Variants in EYA2 observed in about 807,000 individuals in gnomAD.
EYA2 encodes EYA transcriptional coactivator and phosphatase 2, also known as protein phosphatase EYA2.
Under a neutral mutation model 69.2 loss-of-function variants are expected in EYA2, and 31 were observed. The ratio of observed to expected loss-of-function variants is 0.45; its 90% CI spans 0.34 to 0.60. The LOEUF is 0.60. EYA2 is among the 20% of genes least tolerant of loss of function. EYA2 has a pLI of 0.02. For missense variants in EYA2, 622 were observed against 701.2 expected (o/e 0.89, Z 1.28); for synonymous variants, 257 against 279.4 (o/e 0.92, Z 0.80).
At chr20:47,020,304 T>C (rs1983672910) in intron 5 of EYA2, among the ~76,000 whole-genome samples, 1 of 152,172 alleles carries the variant, frequency 6.6e-6, no homozygotes, top group Non-Finnish European at 1.5e-5. Context: ...TTCTAGCTAA[T>C]CTCATAAACT....
At chr20:46,985,323 A>G (rs1039760858) in intron 1 of EYA2, among the ~76,000 whole-genome samples, 2 of 152,200 alleles carry the variant, frequency 1.3e-5, no homozygotes, top group Non-Finnish European at 2.9e-5. Flanking sequence ...TGATTTCCCC[A>G]TTGGCTTGGC....
rs562366313 is a variant in EYA2 at position 47,019,111 on chromosome 20, C to T, written c.415+2814C>T. On this transcript the variant is annotated intron_variant, in intron 5 of 15. Coordinates refer to ENST00000327619, the MANE Select transcript of EYA2 (RefSeq NM_005244.5). ...CCAGGCAGTCGCCCAGGCACATAAC[C>T]CTCACGCCATCCTGCCCTTCACACT... is the stretch of plus-strand genomic sequence containing the variant. Among the ~76,000 whole-genome samples, 32 of 152,298 alleles carry T rather than the reference C, an allele frequency of 2.1e-4. 1 individual carries two copies. Among genetic ancestry groups the T allele is most frequent in the African/African-American group, 7.5e-4 (31 of 41,558 alleles).
At chr20:47,011,159 G>A (rs1364430420) in intron 4 of EYA2, among the ~76,000 whole-genome samples, 1 of 152,054 alleles carries the variant, frequency 6.6e-6, no homozygotes, top group Non-Finnish European at 1.5e-5. Context: ...CCAAGCAAGT[G>A]GTGCACAACA....
At chr20:47,173,308 T>C (rs1315104455) in intron 12 of EYA2, among the ~76,000 whole-genome samples, 2 of 151,862 alleles carry the variant, frequency 1.3e-5, no homozygotes, top group African/African-American at 4.8e-5. Context: ...AATCCCCCCT[T>C]GGATTCTGGA....
intron 9 of EYA2, among the ~76,000 whole-genome samples, chr20:47,119,438 C>T (rs2032988954): frequency 6.6e-6 from 1 of 152,134 alleles, no homozygotes; most frequent in Non-Finnish European, 1.5e-5. Context: ...AAATGACCAT[C>T]AATGGATGAA....
chr20:47,045,294 C>T, intron 5 of EYA2, among the ~76,000 whole-genome samples: 1 of 152,150 alleles, frequency 6.6e-6, no homozygotes, highest in East Asian at 1.9e-4. Flanking sequence ...CTCTCTTCCT[C>T]CAGATATCCA....
intron 4 of EYA2, among the ~76,000 whole-genome samples, chr20:47,012,480 T>C (rs973938585): frequency 2.6e-5 from 4 of 152,174 alleles, no homozygotes; most frequent in African/African-American, 9.7e-5. Flanking sequence ...ACCAGAAAAA[T>C]CAAATTAAAA....
At chr20:47,069,534 A>T (rs1040793465) in intron 5 of EYA2, among the ~76,000 whole-genome samples, 2 of 152,162 alleles carry the variant, frequency 1.3e-5, no homozygotes, top group Non-Finnish European at 2.9e-5. Flanking sequence ...GATAGGATGG[A>T]ATTGGTATAG....
At position 47,172,270 on chromosome 20, in the gene EYA2, C is replaced by A. The variant is rs192807641; in HGVS notation, c.1038-437C>A. 5.4e-3 allele frequency among the ~76,000 whole-genome samples: 825 copies of A among 151,870 alleles called. 28 individuals carry two copies. The East Asian group carries it at 0.08, about 15-fold the overall frequency. On this transcript the variant is annotated intron_variant, in intron 11 of 15. Transcript: ENST00000327619. ...GCAACATAGAGAGACTCCATCTCTCCAAAAAATAAAAATAAGTTAGCCAAG... is the reference window on the plus strand; with the variant it reads ...GCAACATAGAGAGACTCCATCTCTCAAAAAAATAAAAATAAGTTAGCCAAG...
At chr20:47,012,881 T>C (rs969087132) in intron 4 of EYA2, among the ~76,000 whole-genome samples, 2 of 152,224 alleles carry the variant, frequency 1.3e-5, no homozygotes, top group Non-Finnish European at 2.9e-5. Flanking sequence ...TGCAAAAGTT[T>C]CAGGATGTTT....
chr20:46,946,906 A>G (rs1381455714), intron 1 of EYA2, among the ~76,000 whole-genome samples: 3 of 152,058 alleles, frequency 2.0e-5, no homozygotes. Context: ...TTGATCCCCT[A>G]GAGCGTGAGT....
chr20:46,939,479 G>A (rs946750244), intron 1 of EYA2, among the ~76,000 whole-genome samples: 1 of 151,866 alleles, frequency 6.6e-6, no homozygotes, highest in Non-Finnish European at 1.5e-5. Flanking sequence ...ATCAAGCTAT[G>A]TCTGAAGCTA....
chr20:46,974,141 G>A (rs981779844), intron 1 of EYA2, among the ~76,000 whole-genome samples: 2 of 152,112 alleles, frequency 1.3e-5, no homozygotes, highest in Non-Finnish European at 2.9e-5. Flanking sequence ...GAAGATTAAG[G>A]GGACTCAAAT....
At chr20:47,057,139 G>GAGGAAGGAAGGAAGGAAGGA (rs61126274) in intron 5 of EYA2, among the ~76,000 whole-genome samples, 120 of 129,178 alleles carry the variant, frequency 9.3e-4, no homozygotes, top group East Asian at 4.2e-3. Flanking sequence ...AGGAAGGAGG[G>GAGGAAGGAAGGAAGGAAGGA]AGGAAGGAAG....
intron 3 of EYA2, among the ~76,000 whole-genome samples, chr20:47,003,158 AGG>A (rs1468290978): frequency 2.0e-5 from 3 of 152,162 alleles, no homozygotes; most frequent in Admixed American, 2.0e-4. Context: ...GGAGGGGTTG[AGG>A]GTGTGGCCTC....
intron 1 of EYA2, among the ~76,000 whole-genome samples, chr20:46,900,103 G>A (rs576839424): frequency 1.2e-4 from 18 of 152,118 alleles, no homozygotes; most frequent in Middle Eastern, 3.4e-3. Flanking sequence ...TTCCTTTTGA[G>A]TATCTAGTAA....
At chr20:47,130,261 C>CTTTTATTTTTTTTTTTT (rs2033305670) in intron 9 of EYA2, among the ~76,000 whole-genome samples, 1 of 81,260 alleles carries the variant, frequency 1.2e-5, no homozygotes, top group Non-Finnish European at 2.2e-5. Context: ...GGTTTATTTT[C>CTTTTATTTTTTTTTTTT]TTTTTTTTTT....
At chr20:46,956,544 G>A (rs1979137218) in intron 1 of EYA2, among the ~76,000 whole-genome samples, 1 of 152,164 alleles carries the variant, frequency 6.6e-6, no homozygotes, top group Non-Finnish European at 1.5e-5. Flanking sequence ...GCAGGTAGAT[G>A]AGAAAAGAGA....
At chr20:47,024,293 A>T (rs775857674) in intron 5 of EYA2, among the ~76,000 whole-genome samples, 3 of 152,170 alleles carry the variant, frequency 2.0e-5, no homozygotes, top group Non-Finnish European at 4.4e-5. Context: ...GCCAGTTGGG[A>T]TCAGAGCAGT....
Sources: allele counts gnomAD v4.1 joint callset (sites outside exome capture counted in the v4.1 genomes callset), GRCh38; gene constraint gnomAD v4.1.1; transcripts MANE v1.5; gene names NCBI Gene and HGNC (gene_info 2026-07-23, HGNC 2026-07-21).